CUEDC1: variants seen among roughly 807,000 people sequenced by gnomAD.
The protein encoded by CUEDC1 is CUE domain containing 1.
In CUEDC1, 30 loss-of-function variants were observed where a neutral mutation model predicts 43.7. The observed-to-expected ratio is 0.69, with a 90% confidence interval of 0.51 to 0.93. CUEDC1 has a LOEUF of 0.93. Ranked by LOEUF, CUEDC1 falls within the 40% of genes least tolerant of loss-of-function variation. The pLI is 0.00. For missense variants in CUEDC1, 486 were observed against 549.0 expected (o/e 0.89, Z 1.15); for synonymous variants, 223 against 223.6 (o/e 1.00, Z 0.02).
chr17:57,863,847 A>G (rs1363458562), intron 10 of CUEDC1, among the ~76,000 whole-genome samples: 1 of 151,782 alleles, frequency 6.6e-6, no homozygotes, highest in Non-Finnish European at 1.5e-5. Flanking sequence ...CTAAAAATAC[A>G]AAAATTAGCC....
chr17:57,916,223 G>C (rs1211681079), intron 1 of CUEDC1, among the ~76,000 whole-genome samples: 1 of 152,246 alleles, frequency 6.6e-6, no homozygotes, highest in Admixed American at 6.5e-5. Context: ...GAAGGCCGAG[G>C]GGGGCTGAGA....
chr17:57,909,160 A>G (rs1173477043), intron 1 of CUEDC1, among the ~76,000 whole-genome samples: 1 of 151,938 alleles, frequency 6.6e-6, no homozygotes, highest in Non-Finnish European at 1.5e-5. Flanking sequence ...TTTTTTTGAG[A>G]CGAAATCTCG....
intron 1 of CUEDC1, among the ~76,000 whole-genome samples, chr17:57,897,876 G>A (rs1022334018): frequency 6.6e-6 from 1 of 152,152 alleles, no homozygotes; most frequent in Non-Finnish European, 1.5e-5. Context: ...AGCTGGGCGT[G>A]GTGGCAGGTG....
intron 1 of CUEDC1, among the ~76,000 whole-genome samples, chr17:57,904,182 T>A (rs529375620): frequency 1.2e-4 from 18 of 152,154 alleles, no homozygotes; most frequent in African/African-American, 4.1e-4. Flanking sequence ...CTGCACCCCC[T>A]TGCCAAAAGA....
At chr17:57,911,532 T>A (rs2074583279) in intron 1 of CUEDC1, among the ~76,000 whole-genome samples, 1 of 152,226 alleles carries the variant, frequency 6.6e-6, no homozygotes, top group Admixed American at 6.5e-5. Flanking sequence ...AGATGGGGTC[T>A]TGCTCTGTCA....
chr17:57,910,620 A>G (rs901284285), intron 1 of CUEDC1, among the ~76,000 whole-genome samples: 1 of 151,950 alleles, frequency 6.6e-6, no homozygotes, highest in African/African-American at 2.4e-5. Context: ...GAAAGGAAAG[A>G]AAAAGAAAAG....
chr17:57,884,965 G>C (rs936437707), intron 2 of CUEDC1, among the ~76,000 whole-genome samples: 4 of 152,234 alleles, frequency 2.6e-5, no homozygotes, highest in African/African-American at 9.6e-5. Context: ...TCAGGGTCTA[G>C]TGCCACGTCT....
At chr17:57,872,911 AACGTCC>A in intron 4 of CUEDC1, 56 bp from the exon 5 acceptor site, 1 of 1,501,000 alleles carries the variant, frequency 6.7e-7, no homozygotes, top group South Asian at 1.2e-5. Flanking sequence ...ATGTTGCACA[AACGTCC>A]ACATCCCTCT....
chr17:57,891,920 C>A (rs1368031272), intron 1 of CUEDC1, among the ~76,000 whole-genome samples: 1 of 152,208 alleles, frequency 6.6e-6, no homozygotes, highest in Non-Finnish European at 1.5e-5. Context: ...TCACTGATAT[C>A]TTCTCCACTA....
At chr17:57,936,514 CAG>C (rs1567723730) in intron 1 of CUEDC1, among the ~76,000 whole-genome samples, 1 of 152,124 alleles carries the variant, frequency 6.6e-6, no homozygotes, top group Non-Finnish European at 1.5e-5. Context: ...TAGGATTCTG[CAG>C]ACTCATCCCT....
intron 1 of CUEDC1, among the ~76,000 whole-genome samples, chr17:57,913,817 C>T (rs2074610310): frequency 6.6e-6 from 1 of 152,208 alleles, no homozygotes; most frequent in African/African-American, 2.4e-5. Flanking sequence ...GCACCCCACC[C>T]CAGCATACTT....
chr17:57,948,248 T>C (rs960154878), intron 1 of CUEDC1, among the ~76,000 whole-genome samples: 1 of 152,202 alleles, frequency 6.6e-6, no homozygotes, highest in East Asian at 1.9e-4. Flanking sequence ...AAACACTGTG[T>C]GTATGGGGGC....
intron 1 of CUEDC1, among the ~76,000 whole-genome samples, chr17:57,886,108 C>T (rs1217157771): frequency 6.6e-6 from 1 of 152,188 alleles, no homozygotes; most frequent in Non-Finnish European, 1.5e-5. Flanking sequence ...GACCCAGGTG[C>T]CATCCTAAGT....
chr17:57,896,295 C>G (rs1265438970), intron 1 of CUEDC1, among the ~76,000 whole-genome samples: 1 of 152,130 alleles, frequency 6.6e-6, no homozygotes, highest in Admixed American at 6.5e-5. Flanking sequence ...AGACTGGAAA[C>G]ACTCTACAAG....
intron 1 of CUEDC1, among the ~76,000 whole-genome samples, chr17:57,927,385 C>A (rs1422528613): frequency 1.4e-5 from 2 of 144,950 alleles, no homozygotes; most frequent in African/African-American, 2.6e-5. Flanking sequence ...TGCAGAAAGC[C>A]TAGGGAGAAA....
chr17:57,871,330 C>A lies in CUEDC1; in HGVS notation c.824G>T (p.Ser275Ile). The A allele has an allele frequency of 6.2e-7, 1 of 1,614,108 alleles. No individual in the cohort carries two copies. The highest frequency in any genetic ancestry group is 8.5e-7 in the Non-Finnish European group (1 of 1,180,006). Residue 275 changes from serine (S) to isoleucine (I), a missense_variant, in exon 6 of 11, where the codon AGC becomes ATC. By Grantham distance (142) the Ser-to-Ile change is moderately radical. Coordinates refer to ENST00000577830, the MANE Select transcript of CUEDC1 (RefSeq NM_001271875.2). ...GCCAAAGTCGTTTCCGACAGCCACG[C>A]TGCTGGATTTAGATTTCTGGGATTC... ...KYESQKSKSSSVAVGNDFGFS... is the reference protein window; with the variant it reads ...KYESQKSKSSIVAVGNDFGFS...
chr17:57,947,547 C>G (rs2074970463), intron 1 of CUEDC1, among the ~76,000 whole-genome samples: 1 of 152,110 alleles, frequency 6.6e-6, no homozygotes, highest in Admixed American at 6.5e-5. Context: ...ACCTGTAATC[C>G]CAGTACTTTG....
chr17:57,873,527 G>C, intron 4 of CUEDC1, 64 bp downstream of exon 4: 1 of 1,466,708 alleles, frequency 6.8e-7, no homozygotes, highest in Admixed American at 2.4e-5. Context: ...GGCACAAATT[G>C]TGTGGGCAAA....
chr17:57,892,397 A>C (rs2074364783), intron 1 of CUEDC1: 1 of 152,246 alleles, frequency 6.6e-6, no homozygotes, highest in Admixed American at 6.5e-5. Flanking sequence ...CCAACCCTGA[A>C]AGGTGGGAGT....
Sources: allele counts gnomAD v4.1 joint callset (sites outside exome capture counted in the v4.1 genomes callset), GRCh38; gene constraint gnomAD v4.1.1; transcripts MANE v1.5; gene names NCBI Gene and HGNC (gene_info 2026-07-23, HGNC 2026-07-21).